POLE: variants seen among roughly 807,000 people sequenced by gnomAD.
POLE encodes DNA polymerase epsilon, catalytic subunit.
Under a neutral mutation model 279.2 loss-of-function variants are expected in POLE, and 188 were observed. That is an observed-to-expected ratio of 0.67 (90% CI 0.60 to 0.76). The LOEUF is 0.76. Ranked by LOEUF, POLE falls within the 30% of genes least tolerant of loss-of-function variation. The probability of loss-of-function intolerance (pLI) is 0.00; values close to 1 mark genes in which losing one functional copy is unlikely to be tolerated. For missense variants in POLE, 2,703 were observed against 3,016.7 expected, an observed-to-expected ratio of 0.90 and a Z score of 2.44; for synonymous variants, 1,214 against 1,172.5, an observed-to-expected ratio of 1.04 and a Z score of -0.72.
At chr12:132,657,514 C>G in intron 27 of POLE, 85 bp from the exon 28 acceptor site, 1 of 1,102,830 alleles carries the variant, frequency 9.1e-7, no homozygotes, top group Non-Finnish European at 1.4e-6. Context: ...ACAGGGCTAA[C>G]CACTGTGTCT....
chr12:132,687,188 G>C, intron 1 of POLE, 66 bp downstream of exon 1: 6 of 1,082,486 alleles, frequency 5.5e-6, no homozygotes, highest in Non-Finnish European at 6.0e-6. Flanking sequence ...GGCGGCGCCA[G>C]CCGAGGACGG....
chr12:132,667,612 G>T lies in POLE; in HGVS notation c.2210C>A (p.Thr737Asn), dbSNP rs755089034. ...GGTGGTGAGACGCTCTTCCACCTTG[G>T]TGATGTGGATCTTCTTGTAGGCTTT... ...CRKAYKKIHI[T>N]KVEERLTTIC... Residue 737 changes from threonine (T) to asparagine (N), a missense_variant, in exon 20 of 49, where the codon ACC (threonine) becomes AAC (asparagine). Transcript: ENST00000320574. The T allele has an allele frequency of 6.2e-7, 1 of 1,614,102 alleles. No homozygotes were observed. The highest frequency in any genetic ancestry group is 1.1e-5 in the South Asian group (1 of 91,084).
At chr12:132,648,159 T>C (rs2042330628) in intron 32 of POLE, among the ~76,000 whole-genome samples, 1 of 152,148 alleles carries the variant, frequency 6.6e-6, no homozygotes, top group African/African-American at 2.4e-5. Context: ...TCGCAGTTTC[T>C]GCAGGTGGAA....
chr12:132,675,683 G>T lies in POLE; in HGVS notation c.1106+52C>A. 6.4e-7 allele frequency: 1 copy of T among 1,572,034 alleles called. No homozygotes were observed. The highest frequency in any genetic ancestry group is 8.8e-7 in the Non-Finnish European group (1 of 1,142,374). Reference sequence around the variant, plus strand: ...GGGAAGCGCCCCTGCACCACGCAACGCCCTCCCTCTCAAATGCTGCCCAGT... The same window carrying T: ...GGGAAGCGCCCCTGCACCACGCAACTCCCTCCCTCTCAAATGCTGCCCAGT... On this transcript the variant is annotated intron_variant, in intron 11 of 48. Coordinates refer to ENST00000320574, the MANE Select transcript of POLE (RefSeq NM_006231.4). This position sits in a 1 kb window ranked among gnomAD's most constrained non-coding sequence, Gnocchi z 4.3.
rs764338018 is a variant in POLE at position 132,643,995 on chromosome 12, A to C, written c.4150-18T>G. On this transcript the variant is annotated intron_variant, in intron 32 of 48. Coordinates refer to ENST00000320574, the MANE Select transcript of POLE (RefSeq NM_006231.4). The stretch of plus-strand genomic sequence containing the variant: ...CGATTTACCTGGCGAGAATACGACG[A>C]TGATCTCGTCACTGGGCGTAAGTGG... 14 of 1,608,764 alleles carry C rather than the reference A, an allele frequency of 8.7e-6. No homozygotes were observed. The highest frequency in any genetic ancestry group is 1.7e-5 in the Admixed American group (1 of 59,918).
In POLE at chr12:132,669,144, T is replaced by C. The variant is rs182388754; in HGVS notation, c.1795-205A>G. On this transcript the variant is annotated intron_variant, in intron 16 of 48. Transcript: ENST00000320574. ...TTGGTGGAGTCATTAGAAAATTACTTGAACACTAAACTCTCCTTAGTATTA... is the reference window on the plus strand; with the variant it reads ...TTGGTGGAGTCATTAGAAAATTACTCGAACACTAAACTCTCCTTAGTATTA... Among the ~76,000 whole-genome samples, 8 of 152,242 alleles carry C rather than the reference T, an allele frequency of 5.3e-5. No homozygotes were observed. In the East Asian group the frequency reaches 1.4e-3, roughly 26 times the overall value.
intron 23 of POLE, among the ~76,000 whole-genome samples, chr12:132,662,580 C>T (rs536575163): frequency 1.3e-5 from 2 of 152,288 alleles, no homozygotes; most frequent in African/African-American, 4.8e-5. Context: ...AGACTGGAAG[C>T]TATGACACTC....
chr12:132,664,407 T>A lies in POLE; in HGVS notation c.2524A>T (p.Ile842Phe), dbSNP rs1282733110. ...ATCAGCTCCCGTGCCTGGGTGATGA[T>A]GTTGGCCCCTGTGAAGCAGACGATG... ...AGIVCFTGAN[I>F]ITQARELIEQ... is the part of the protein sequence containing the mutation. The change falls in exon 22 of 49, where the codon ATC (isoleucine) becomes TTC (phenylalanine). Residue 842 changes from isoleucine (I) to phenylalanine (F), a missense_variant. Physicochemically the swap from Ile to Phe is conservative, Grantham distance 21. Around this residue, in one of 5 missense-constraint regions of POLE, gnomAD observed 21 missense variants for 51.9 expected, o/e 0.40. Coordinates refer to ENST00000320574, the MANE Select transcript of POLE (RefSeq NM_006231.4). This position sits in a 1 kb window ranked among gnomAD's most constrained non-coding sequence, Gnocchi z 5.3. 1 of 1,614,044 alleles carries A rather than the reference T, an allele frequency of 6.2e-7. No homozygotes were observed. Among genetic ancestry groups the A allele is most frequent in the Admixed American group, 1.7e-5 (1 of 60,018 alleles).
intron 45 of POLE, among the ~76,000 whole-genome samples, chr12:132,627,686 T>C (rs536267500): frequency 2.0e-5 from 3 of 152,352 alleles, no homozygotes; most frequent in African/African-American, 7.2e-5. Context: ...AATTTTAAAA[T>C]GTTTTATTGC....
chr12:132,632,582 G>A (rs2041955782), intron 44 of POLE, 74 bp from the exon 45 acceptor site: 2 of 1,606,610 alleles, frequency 1.2e-6, no homozygotes, highest in Non-Finnish European at 1.7e-6. Context: ...TGGGGGACTG[G>A]CACCGGGGAC....
At chr12:132,654,224 T>G (rs557606440) in intron 29 of POLE, among the ~76,000 whole-genome samples, 6,200 of 45,506 alleles carry the variant, frequency 0.14, 227 homozygotes, top group Admixed American at 0.35. Context: ...TTACACTTAT[T>G]TTTTTTCGTC....
chr12:132,637,885 C>A (rs1593719136), intron 41 of POLE, 129 bp downstream of exon 41: 1 of 1,017,198 alleles, frequency 9.8e-7, no homozygotes, highest in East Asian at 2.6e-5. Context: ...TGCTCAGATT[C>A]ACCATGGTGA....
In POLE at chr12:132,675,274, CCTGAAA is replaced by C. The variant is rs2043018345; in HGVS notation, c.1226+118_1226+123del. ...TTGCAGCTGCCATACTCTTGGGTGACCTGAAACGGCCTCTCGGAGGCCACCCTCCTC... is the reference window on the plus strand; with the variant it reads ...TTGCAGCTGCCATACTCTTGGGTGACCGGCCTCTCGGAGGCCACCCTCCTC... On this transcript the variant is annotated intron_variant, in intron 12 of 48. Transcript: ENST00000320574. The surrounding 1 kb of genome is among the most constrained non-coding windows in gnomAD (Gnocchi z 4.3). The C allele has an allele frequency of 4.8e-6, 6 of 1,259,948 alleles. No individual in the cohort carries two copies. Among genetic ancestry groups the C allele is most frequent in the Non-Finnish European group, 6.6e-6 (6 of 913,546 alleles). The allele number at this position is 1,259,948 out of a possible 1,614,324, so 78.0% of individuals were successfully genotyped here. A position where few individuals can be genotyped will look rare whatever the true frequency, so the allele number is the denominator to read the frequency against.
chr12:132,680,547 C>T (rs941155270), intron 3 of POLE, 60 bp downstream of exon 3: 5 of 1,331,330 alleles, frequency 3.8e-6, no homozygotes, highest in Non-Finnish European at 5.4e-6. Flanking sequence ...CCCTGACAGT[C>T]ACAGAGCTAC....
At chr12:132,635,824 C>T (rs2138483523) in intron 42 of POLE, 68 bp downstream of exon 42, 4 of 1,542,654 alleles carry the variant, frequency 2.6e-6, no homozygotes, top group Non-Finnish European at 3.5e-6. Flanking sequence ...CCTGAGCACT[C>T]AGCACTTGCT....
chr12:132,649,462 G>A lies in POLE; in HGVS notation c.3849C>T (p.Ala1283=), dbSNP rs201848987. 6.2e-7 allele frequency: 1 copy of A among 1,612,316 alleles called. No homozygotes were observed. Among genetic ancestry groups the A allele is most frequent in the East Asian group, 2.2e-5 (1 of 44,872 alleles). ...TCTTCCTGCGGGCGAGGCGCTGCCG[G>A]GCCTGCAGCTGCCACTTCTTCTTGT... The part of the protein sequence containing the change: ...RFHKKKWQLQ[A]RQRLARRKRQ... Residue 1283 remains alanine, a synonymous_variant, in exon 31 of 49, where the codon GCC becomes GCT. Transcript: ENST00000320574.
At chr12:132,682,298 A>T (rs1039582997) in intron 1 of POLE, among the ~76,000 whole-genome samples, 3 of 97,896 alleles carry the variant, frequency 3.1e-5, no homozygotes, top group African/African-American at 9.5e-5. Context: ...CGGCAAAAAA[A>T]AAAAAATAAA....
chr12:132,648,166 G>A (rs1009721007), intron 32 of POLE, among the ~76,000 whole-genome samples: 1 of 152,150 alleles, frequency 6.6e-6, no homozygotes, highest in Non-Finnish European at 1.5e-5. Flanking sequence ...TTCTGCAGGT[G>A]GAAGAAGCCC....
chr12:132,681,371 TC>T, intron 1 of POLE, 92 bp from the exon 2 acceptor site: 1 of 1,359,230 alleles, frequency 7.4e-7, no homozygotes, highest in Non-Finnish European at 1.0e-6. Context: ...TGAGACGGAG[TC>T]TTGCTCTGTC....
Sources: gnomAD v4.1 joint callset for allele counts (sites outside exome capture counted in the v4.1 genomes callset) on GRCh38, gnomAD v4.1.1 for gene constraint, gnomAD v4.1.1 regional missense constraint, Gnocchi (gnomAD v3.1) non-coding constraint, MANE v1.5 for transcripts, NCBI Gene and HGNC (gene_info 2026-07-23, HGNC 2026-07-21) for gene names.